PLOD1: variants seen among roughly 807,000 people sequenced by gnomAD.
PLOD1 encodes procollagen-lysine,2-oxoglutarate 5-dioxygenase 1, also known as lysine hydroxylase.
Under a neutral mutation model 94.7 loss-of-function variants are expected in PLOD1, and 70 were observed. The ratio of observed to expected loss-of-function variants is 0.74; its 90% CI spans 0.61 to 0.90. The LOEUF (loss-of-function observed/expected upper bound fraction) is 0.90. Among genes scored for constraint, PLOD1 ranks in the 40% least tolerant of loss-of-function variants. The probability of loss-of-function intolerance (pLI) is 0.00; values close to 1 mark genes in which losing one functional copy is unlikely to be tolerated. For missense variants in PLOD1, 905 were observed against 972.7 expected (o/e 0.93, Z 0.93); for synonymous variants, 417 against 400.2 (o/e 1.04, Z -0.50).
intron 10 of PLOD1, among the ~76,000 whole-genome samples, chr1:11,961,610 TA>T (rs1264871077): frequency 6.6e-6 from 1 of 152,152 alleles, no homozygotes; most frequent in Non-Finnish European, 1.5e-5. Context: ...TCATGTCATT[TA>T]TTTTTTTTTC....
chr1:11,934,759 A>C lies in PLOD1; in HGVS notation c.-21A>C. The C allele has an allele frequency of 6.6e-7, 1 of 1,525,126 alleles. No individual in the cohort carries two copies. The highest frequency in any genetic ancestry group is 1.2e-5 in the South Asian group (1 of 82,246). 94.5% of individuals were successfully genotyped at this position (1,525,126 alleles called of 1,614,324 possible). Reference sequence around the variant, plus strand: ...CCTGCGAGCGCCGCCGGGTCGGCCGATCGTCCCCCATACCTCGGCCATGCG... The same window carrying C: ...CCTGCGAGCGCCGCCGGGTCGGCCGCTCGTCCCCCATACCTCGGCCATGCG... On this transcript the variant is annotated 5_prime_UTR_variant, in exon 1 of 19. Transcript: ENST00000196061.
At chr1:11,973,737 T>C (rs1197762040) in intron 18 of PLOD1, among the ~76,000 whole-genome samples, 1 of 151,912 alleles carries the variant, frequency 6.6e-6, no homozygotes, top group African/African-American at 2.4e-5. Context: ...TGTGCCACCA[T>C]GGCCAGCTAA....
Position 11,934,791 on chromosome 1 carries a change from G to T in PLOD1, c.12G>T (p.Leu4=), listed in dbSNP as rs1338648619. 1.3e-6 allele frequency: 2 copies of T among 1,539,658 alleles called. No individual in the cohort carries two copies. The highest frequency in any genetic ancestry group is 2.5e-5 in the East Asian group (1 of 40,576). Residue 4 remains leucine (L), a synonymous_variant, in exon 1 of 19, where the codon CTG becomes CTT. Transcript: ENST00000196061. MRP[L]LLLALLGWLL... ...CCCATACCTCGGCCATGCGGCCCCTGCTGCTACTGGCCCTGCTGGGCTGGC... is the reference window on the plus strand; with the variant it reads ...CCCATACCTCGGCCATGCGGCCCCTTCTGCTACTGGCCCTGCTGGGCTGGC...
At chr1:11,934,896 C>CG (rs1264392541) in intron 1 of PLOD1, 41 bp downstream of exon 1, 3 of 1,526,170 alleles carry the variant, frequency 2.0e-6, no homozygotes, top group Admixed American at 2.0e-5. Flanking sequence ...CGGATCCGGG[C>CG]GGGAGGGCTG....
At chr1:11,951,013 C>T (rs1441531368) in intron 4 of PLOD1, among the ~76,000 whole-genome samples, 1 of 152,014 alleles carries the variant, frequency 6.6e-6, no homozygotes, top group Non-Finnish European at 1.5e-5. Flanking sequence ...AGGTGGGTCT[C>T]GAACTCCTGG....
chr1:11,960,881 A>G (rs1019327718), intron 10 of PLOD1, 114 bp downstream of exon 10: 1 of 1,486,868 alleles, frequency 6.7e-7, no homozygotes, highest in South Asian at 1.2e-5. Context: ...GTGCTCTAGC[A>G]AGTTCCTGCC....
chr1:11,936,052 C>T (rs1304926000), intron 1 of PLOD1, among the ~76,000 whole-genome samples: 1 of 152,050 alleles, frequency 6.6e-6, no homozygotes, highest in South Asian at 2.1e-4. Context: ...TGGTCTTGAA[C>T]TCTTGACCTC....
chr1:11,960,631 C>T lies in PLOD1; in HGVS notation c.976-15C>T. ...CTCCTCACCCCCGCATCCCCTTCCC[C>T]ATCCCCAACCCCAGGAGCAGCACCA... is the stretch of plus-strand genomic sequence containing the variant. On this transcript the variant is annotated splice_polypyrimidine_tract_variant and intron_variant, in intron 9 of 18. Coordinates refer to ENST00000196061, the MANE Select transcript of PLOD1 (RefSeq NM_000302.4). 1 of 1,596,778 alleles carries T rather than the reference C, an allele frequency of 6.3e-7. No individual in the cohort carries two copies. The highest frequency in any genetic ancestry group is 1.1e-5 in the South Asian group (1 of 90,642).
chr1:11,970,732 C>G lies in PLOD1; in HGVS notation c.1818C>G (p.Ile606Met), dbSNP rs372579008. The change falls in exon 17 of 19, where the codon ATC (isoleucine) becomes ATG (methionine). Residue 606 changes from isoleucine to methionine, a missense_variant. By Grantham distance (10) the Ile-to-Met change is conservative. Transcript: ENST00000196061. ...VPTIDIHMNQIGFEREWHKFL... is the reference protein window; with the variant it reads ...VPTIDIHMNQMGFEREWHKFL... Reference sequence around the variant, plus strand: ...CTATTGACATCCACATGAACCAGATCGGCTTTGAGCGGGAGTGGCACAAAT... The same window carrying G: ...CTATTGACATCCACATGAACCAGATGGGCTTTGAGCGGGAGTGGCACAAAT... 6.2e-7 allele frequency: 1 copy of G among 1,612,532 alleles called. No individual in the cohort carries two copies. The highest frequency in any genetic ancestry group is 1.1e-5 in the South Asian group (1 of 91,014).
chr1:11,942,577 G>A (rs1385327465), intron 1 of PLOD1, among the ~76,000 whole-genome samples: 2 of 152,192 alleles, frequency 1.3e-5, no homozygotes, highest in Admixed American at 1.3e-4. Context: ...GGAATGGGGT[G>A]CAGGCTGGGT....
Position 11,958,458 on chromosome 1 carries a change from G to T in PLOD1, c.844-58G>T. ...GACTCCCTTGGGCCACCCTGGGGTG[G>T]AGTGGCAGTGCTGTGACTGGACACT... On this transcript the variant is annotated intron_variant, in intron 8 of 18. Transcript: ENST00000196061. This position sits in a 1 kb window ranked among gnomAD's most constrained non-coding sequence, Gnocchi z 4.3. The T allele has an allele frequency of 6.2e-7, 1 of 1,601,314 alleles. No individual in the cohort carries two copies. The highest frequency in any genetic ancestry group is 8.5e-7 in the Non-Finnish European group (1 of 1,173,246).
intron 2 of PLOD1, among the ~76,000 whole-genome samples, chr1:11,948,708 C>T (rs1427454664): frequency 1.3e-5 from 2 of 148,560 alleles, no homozygotes; most frequent in Non-Finnish European, 3.0e-5. Flanking sequence ...CCAGCCTGGG[C>T]AATAGAGTGA....
At chr1:11,945,375 T>G (rs574841753) in intron 1 of PLOD1, among the ~76,000 whole-genome samples, 2 of 151,070 alleles carry the variant, frequency 1.3e-5, no homozygotes, top group African/African-American at 2.4e-5. Flanking sequence ...CCATGAGCCA[T>G]GATTGTGCCT....
chr1:11,948,611 T>C (rs1645673382), intron 2 of PLOD1, among the ~76,000 whole-genome samples: 1 of 151,932 alleles, frequency 6.6e-6, no homozygotes, highest in African/African-American at 2.4e-5. Flanking sequence ...GCACCTGTAA[T>C]CCCAGCTGCT....
chr1:11,936,798 C>T (rs997727007), intron 1 of PLOD1, among the ~76,000 whole-genome samples: 1 of 151,610 alleles, frequency 6.6e-6, no homozygotes, highest in Non-Finnish European at 1.5e-5. Flanking sequence ...GCTGGGATTA[C>T]AGGTGGGAGC....
chr1:11,954,672 CCTT>C, intron 5 of PLOD1, 155 bp from the exon 6 acceptor site: 1 of 776,368 alleles, frequency 1.3e-6, no homozygotes, highest in Admixed American at 1.7e-5. Flanking sequence ...TGGCTGCTGG[CCTT>C]CTCTGGGCAC....
At chr1:11,945,997 C>T (rs957786425) in intron 1 of PLOD1, among the ~76,000 whole-genome samples, 7 of 152,222 alleles carry the variant, frequency 4.6e-5, no homozygotes, top group Non-Finnish European at 8.8e-5. Flanking sequence ...GTGTGAGCCA[C>T]TGTGACCAGC....
intron 2 of PLOD1, 126 bp from the exon 3 acceptor site, chr1:11,949,647 T>C: frequency 1.1e-6 from 1 of 899,638 alleles, no homozygotes; most frequent in Non-Finnish European, 1.7e-6. Flanking sequence ...CTTGAATTCC[T>C]GACCTCAGGT....
chr1:11,971,855 G>C (rs1645866901), intron 17 of PLOD1: 1 of 152,194 alleles, frequency 6.6e-6, no homozygotes, highest in African/African-American at 2.4e-5. Context: ...CAATAGTGAG[G>C]AAAACCCTGA....
Sources: gnomAD v4.1 joint callset for allele counts (sites outside exome capture counted in the v4.1 genomes callset) on GRCh38, gnomAD v4.1.1 for gene constraint, Gnocchi (gnomAD v3.1) non-coding constraint, MANE v1.5 for transcripts, NCBI Gene and HGNC (gene_info 2026-07-23, HGNC 2026-07-21) for gene names.